The following ABCG1 variants were observed in gnomAD, a reference collection of about 807,000 sequenced individuals.
ABCG1 encodes the protein ATP binding cassette subfamily G member 1.
ABCG1 carries 29 observed loss-of-function variants against 69.2 expected under a neutral mutation model. The ratio of observed to expected loss-of-function variants is 0.42; its 90% CI spans 0.31 to 0.57. The LOEUF (loss-of-function observed/expected upper bound fraction) is 0.57, where lower values mean the gene tolerates loss of function less well. Ranked by LOEUF, ABCG1 falls within the 20% of genes least tolerant of loss-of-function variation. The pLI is 0.15. For synonymous variants in ABCG1, 370 were observed against 374.8 expected, an observed-to-expected ratio of 0.99 and a Z score of 0.15; for missense variants, 718 against 898.1, an observed-to-expected ratio of 0.80 and a Z score of 2.56.
intron 2 of ABCG1, among the ~76,000 whole-genome samples, chr21:42,240,229 G>A (rs2068032241): frequency 6.6e-6 from 1 of 152,184 alleles, no homozygotes; most frequent in Non-Finnish European, 1.5e-5. Flanking sequence ...TGTTATCAGT[G>A]AGGAAACTGT....
intron 2 of ABCG1, among the ~76,000 whole-genome samples, chr21:42,238,893 T>A (rs1316958781): frequency 6.6e-6 from 1 of 152,224 alleles, no homozygotes; most frequent in Non-Finnish European, 1.5e-5. Flanking sequence ...TGGCAGGTCG[T>A]GAACATTGTT....
chr21:42,276,927 T>C lies in ABCG1; in HGVS notation c.570T>C (p.Asp190=). The C allele has an allele frequency of 6.2e-7, 1 of 1,614,184 alleles. No individual in the cohort carries two copies. Among genetic ancestry groups the C allele is most frequent in the Non-Finnish European group, 8.5e-7 (1 of 1,180,022 alleles). The change falls in exon 5 of 15, where the codon GAT becomes GAC. Residue 190 remains aspartate (D), a synonymous_variant. Transcript: ENST00000398449. This position sits in a 1 kb window ranked among gnomAD's most constrained non-coding sequence, Gnocchi z 5.3. ...CACATCTGAAGCTTCAGGAGAAGGA[T>C]GAAGGCAGAAGGGAAATGGTAAGTG... is the stretch of plus-strand genomic sequence containing the variant. ...VSAHLKLQEK[D]EGRREMVKEI...
At chr21:42,201,809 T>C (rs2067508783) in intron 2 of ABCG1, 2 of 1,603,374 alleles carry the variant, frequency 1.2e-6, no homozygotes, top group South Asian at 1.1e-5. Context: ...GTGGGCCTGA[T>C]GTAGTCTAGA....
chr21:42,278,350 G>T (rs746177756), intron 5 of ABCG1, among the ~76,000 whole-genome samples: 12 of 152,164 alleles, frequency 7.9e-5, no homozygotes, highest in Non-Finnish European at 1.6e-4. Context: ...AGTTATGGAA[G>T]ATGAGTGTTA....
In ABCG1 at chr21:42,282,224, G is replaced by A. The variant is rs191735335; in HGVS notation, c.589-50G>A. On this transcript the variant is annotated intron_variant, in intron 5 of 14. Transcript: ENST00000398449. ...TCTTCCTGCATGGGCCATGGGAGGT[G>A]GTGAGCTTTGGCGGGCAGCTCCCAA... 14 of 1,589,286 alleles carry A rather than the reference G, an allele frequency of 8.8e-6. No homozygotes were observed. In the East Asian group the frequency reaches 1.1e-4, roughly 13 times the overall value.
At chr21:42,290,240 C>A in intron 11 of ABCG1, 22 bp downstream of exon 11, 1 of 1,602,566 alleles carries the variant, frequency 6.2e-7, no homozygotes, top group Non-Finnish European at 8.5e-7. Flanking sequence ...ACCGCTGACC[C>A]CTTCTTCCTT....
At chr21:42,208,839 G>A (rs2067564047) in intron 2 of ABCG1, among the ~76,000 whole-genome samples, 1 of 152,078 alleles carries the variant, frequency 6.6e-6, no homozygotes, top group African/African-American at 2.4e-5. Context: ...AAGCCTTTAG[G>A]GAGTTGCAGG....
intron 2 of ABCG1, among the ~76,000 whole-genome samples, chr21:42,267,519 C>G (rs2068529671): frequency 6.6e-6 from 1 of 150,840 alleles, no homozygotes; most frequent in Admixed American, 6.6e-5. Context: ...TGAGTTCTGT[C>G]TGGGTCTGGT....
intron 13 of ABCG1, among the ~76,000 whole-genome samples, chr21:42,293,127 C>CACACACT (rs1316725760): frequency 7.4e-6 from 1 of 135,990 alleles, no homozygotes; most frequent in Non-Finnish European, 1.6e-5. Context: ...CTACACACAC[C>CACACACT]ACACACTACA....
rs2068955832 is a variant in ABCG1 at position 42,287,096 on chromosome 21, T to G, written c.974-793T>G. Among the ~76,000 whole-genome samples the G allele has an allele frequency of 6.6e-6, 1 of 152,072 alleles. No homozygotes were observed. The highest frequency in any genetic ancestry group is 2.4e-5 in the African/African-American group (1 of 41,398). ...TAAGGGTGTTGGGGAGCTTTGGGCC[T>G]TAGCAAGAACGTTACTGGAGTGGGA... On this transcript the variant is annotated intron_variant, in intron 8 of 14. Transcript: ENST00000398449. This position sits in a 1 kb window ranked among gnomAD's most constrained non-coding sequence, Gnocchi z 6.2.
chr21:42,284,538 C>T (rs201373227), intron 6 of ABCG1, 22 bp from the exon 7 acceptor site: 18 of 1,611,066 alleles, frequency 1.1e-5, no homozygotes, highest in Middle Eastern at 1.7e-4. Flanking sequence ...GCAGGCGTCT[C>T]ACGGTGCCTC....
intron 2 of ABCG1, among the ~76,000 whole-genome samples, chr21:42,239,598 G>A (rs1420796119): frequency 1.3e-5 from 2 of 152,368 alleles, no homozygotes; most frequent in East Asian, 3.9e-4. Flanking sequence ...AGGGGCAAGG[G>A]GAGGTGTAGG....
At chr21:42,293,060 T>C (rs919680784) in intron 13 of ABCG1, among the ~76,000 whole-genome samples, 335 of 13,518 alleles carry the variant, frequency 0.025, no homozygotes, top group African/African-American at 0.027. Flanking sequence ...ACTACACACA[T>C]ACCACACTAC....
intron 2 of ABCG1, among the ~76,000 whole-genome samples, chr21:42,252,055 G>A (rs903069244): frequency 1.2e-4 from 18 of 152,210 alleles, no homozygotes; most frequent in African/African-American, 2.7e-4. Flanking sequence ...AAACGGAACC[G>A]CTGATTCTGA....
At position 42,273,571 on chromosome 21, in the gene ABCG1, C is replaced by T; in HGVS notation, c.537+136C>T. ...CACGCGGCCTGCACAGGGCCAGCAA[C>T]CTCCCTCTAGCGGAGTTCTAACACC... On this transcript the variant is annotated intron_variant, in intron 4 of 14. Transcript: ENST00000398449. The surrounding 1 kb of genome is among the most constrained non-coding windows in gnomAD (Gnocchi z 5.3). 1 of 1,009,362 alleles carries T rather than the reference C, an allele frequency of 9.9e-7. No individual in the cohort carries two copies. The highest frequency in any genetic ancestry group is 1.4e-6 in the Non-Finnish European group (1 of 708,492). 62.5% of individuals were successfully genotyped at this position (1,009,362 alleles called of 1,614,324 possible). A position where few individuals can be genotyped will look rare whatever the true frequency, so the allele number is the denominator to read the frequency against.
At chr21:42,207,577 T>C (rs918564730) in intron 2 of ABCG1, among the ~76,000 whole-genome samples, 1 of 152,260 alleles carries the variant, frequency 6.6e-6, no homozygotes, top group African/African-American at 2.4e-5. Context: ...TGGCATGCAT[T>C]GATTGGCATC....
chr21:42,243,710 G>T (rs980510138), intron 2 of ABCG1, among the ~76,000 whole-genome samples: 8 of 152,212 alleles, frequency 5.3e-5, no homozygotes, highest in African/African-American at 1.7e-4. Flanking sequence ...AGGATTCCCG[G>T]CGCCCTGTCC....
At chr21:42,200,240 A>G (rs948899411) in intron 1 of ABCG1, among the ~76,000 whole-genome samples, 7 of 152,320 alleles carry the variant, frequency 4.6e-5, no homozygotes, top group African/African-American at 1.7e-4. Context: ...ATGTGCGGCC[A>G]GCCGGGCCAT....
intron 2 of ABCG1, among the ~76,000 whole-genome samples, chr21:42,260,792 C>T (rs576255061): frequency 1.3e-5 from 2 of 152,262 alleles, no homozygotes; most frequent in African/African-American, 4.8e-5. Flanking sequence ...CTTTTCCCCA[C>T]AGCCCCACAG....
Sources: allele counts gnomAD v4.1 joint callset (sites outside exome capture counted in the v4.1 genomes callset), GRCh38; gene constraint gnomAD v4.1.1; non-coding constraint Gnocchi (gnomAD v3.1); transcripts MANE v1.5; gene names NCBI Gene and HGNC (gene_info 2026-07-23, HGNC 2026-07-21).